SLC39A11: variants seen among roughly 807,000 people sequenced by gnomAD.
The protein encoded by SLC39A11 is solute carrier family 39 member 11.
SLC39A11 carries 33 observed loss-of-function variants against 36.1 expected under a neutral mutation model. The observed-to-expected ratio is 0.91, with a 90% CI of 0.69 to 1.22. The LOEUF is 1.22. Among genes scored for constraint, SLC39A11 ranks in the 50% most tolerant of loss-of-function variants. SLC39A11 has a pLI of 0.00. For synonymous variants in SLC39A11, 166 were observed against 170.3 expected (o/e 0.97, Z 0.20); for missense variants, 432 against 430.3 (o/e 1.00, Z -0.03).
intron 4 of SLC39A11, among the ~76,000 whole-genome samples, chr17:73,009,299 GAGCCGAGATTGCGC>G (rs2090378969): frequency 6.7e-6 from 1 of 150,096 alleles, no homozygotes; most frequent in East Asian, 2.0e-4. Context: ...AGCTTGCAGT[GAGCCGAGATTGCGC>G]CACTGCACTC....
Position 72,808,598 on chromosome 17 carries a change from CT to C in SLC39A11, c.601+41035del, listed in dbSNP as rs766603190. On this transcript the variant is annotated intron_variant, in intron 6 of 9. Coordinates refer to ENST00000255559, the MANE Select transcript of SLC39A11 (RefSeq NM_139177.4). ...CCACTAGCTTGTTTTTCTATAATCC[CT>C]TGCTGCTCAGGAGTCGTGTGGCCAG... 2.0e-5 allele frequency among the ~76,000 whole-genome samples: 3 copies of C among 152,286 alleles called. No homozygotes were observed. The East Asian group carries it at 5.8e-4, about 29-fold the overall frequency.
At chr17:72,736,904 T>C (rs2074454911) in intron 6 of SLC39A11, among the ~76,000 whole-genome samples, 185 bp from the exon 7 acceptor site, 1 of 152,190 alleles carries the variant, frequency 6.6e-6, no homozygotes. Context: ...TTCTTCTCTA[T>C]GGCCTGCAAC....
chr17:72,781,548 C>T (rs113465756), intron 6 of SLC39A11, among the ~76,000 whole-genome samples: 5,580 of 152,126 alleles, frequency 0.037, 314 homozygotes, highest in African/African-American at 0.12. Context: ...CTCAGCCTCC[C>T]GAGTGGCTGG....
At chr17:73,023,424 G>GGACT (rs1257304252) in intron 4 of SLC39A11, among the ~76,000 whole-genome samples, 1 of 152,152 alleles carries the variant, frequency 6.6e-6, no homozygotes, top group African/African-American at 2.4e-5. Context: ...CAAGGTAGGA[G>GGACT]GACTGCTTGA....
intron 6 of SLC39A11, chr17:72,823,866 T>C (rs189803076): frequency 6.6e-6 from 1 of 151,512 alleles, no homozygotes. Flanking sequence ...GTGCTGTTTC[T>C]TGCAGCTAAA....
intron 5 of SLC39A11, among the ~76,000 whole-genome samples, chr17:72,878,417 G>A (rs1277004643): frequency 6.6e-6 from 1 of 152,220 alleles, no homozygotes; most frequent in Admixed American, 6.5e-5. Context: ...CAGCCCCAGG[G>A]GCCTTCTTGC....
chr17:72,753,168 G>T (rs1225670060), intron 6 of SLC39A11, among the ~76,000 whole-genome samples: 1 of 152,124 alleles, frequency 6.6e-6, no homozygotes, highest in Non-Finnish European at 1.5e-5. Flanking sequence ...AGAGTTTTGA[G>T]ATTCATCAAG....
intron 5 of SLC39A11, among the ~76,000 whole-genome samples, chr17:72,856,303 A>G (rs73358737): frequency 0.043 from 6,562 of 152,332 alleles, 186 homozygotes; most frequent in African/African-American, 0.079. Context: ...TTCTTTGACT[A>G]CAAGTGAGGT....
chr17:72,864,882 T>C (rs1307881371), intron 5 of SLC39A11, among the ~76,000 whole-genome samples: 2 of 152,202 alleles, frequency 1.3e-5, no homozygotes, highest in Admixed American at 1.3e-4. Context: ...GAAGAAAGGC[T>C]GTTCCCTGGC....
intron 7 of SLC39A11, among the ~76,000 whole-genome samples, chr17:72,717,753 G>A (rs1472102226): frequency 2.6e-5 from 4 of 152,256 alleles, no homozygotes; most frequent in Non-Finnish European, 4.4e-5. Flanking sequence ...TACCTTTCTG[G>A]GGTGCATGAC....
intron 6 of SLC39A11, among the ~76,000 whole-genome samples, chr17:72,786,389 A>G (rs2076515974): frequency 6.6e-6 from 1 of 152,180 alleles, no homozygotes; most frequent in Admixed American, 6.5e-5. Flanking sequence ...GTCTTACTGT[A>G]AACAACCCAA....
At chr17:73,091,479 G>C (rs2060921799) in intron 1 of SLC39A11, among the ~76,000 whole-genome samples, 1 of 152,032 alleles carries the variant, frequency 6.6e-6, no homozygotes, top group Admixed American at 6.6e-5. Context: ...AATAAAACTG[G>C]TAAAACTTCT....
At chr17:72,648,056 G>T (rs912971121) in intron 9 of SLC39A11, among the ~76,000 whole-genome samples, 3 of 152,160 alleles carry the variant, frequency 2.0e-5, no homozygotes, top group Admixed American at 1.3e-4. Context: ...TAGGCTGGGA[G>T]CAGTGGCTCA....
intron 4 of SLC39A11, among the ~76,000 whole-genome samples, chr17:72,968,456 G>T (rs904776718): frequency 6.6e-5 from 10 of 152,168 alleles, no homozygotes; most frequent in African/African-American, 2.4e-4. Flanking sequence ...TCATGCATAA[G>T]GTCACACAGA....
intron 5 of SLC39A11, among the ~76,000 whole-genome samples, chr17:72,903,035 G>A (rs759665733): frequency 2.6e-5 from 4 of 152,148 alleles, no homozygotes; most frequent in Non-Finnish European, 5.9e-5. Context: ...GGGAGGCCAA[G>A]GTAAGTGGAT....
intron 2 of SLC39A11, among the ~76,000 whole-genome samples, chr17:73,087,150 C>CA: frequency 6.6e-6 from 1 of 152,178 alleles, no homozygotes; most frequent in Non-Finnish European, 1.5e-5. Flanking sequence ...CCCTGGCAAT[C>CA]ACCATTCTAC....
chr17:72,749,881 G>A (rs1019878), intron 6 of SLC39A11, among the ~76,000 whole-genome samples: 4,663 of 152,136 alleles, frequency 0.031, 231 homozygotes, highest in African/African-American at 0.11. Context: ...GCTCAGATTC[G>A]TAAAACACTA....
chr17:72,744,236 C>T (rs1273002065), intron 6 of SLC39A11, among the ~76,000 whole-genome samples: 1 of 152,124 alleles, frequency 6.6e-6, no homozygotes, highest in African/African-American at 2.4e-5. Flanking sequence ...ACCTGACAGG[C>T]CTGTTCAGGG....
At chr17:72,804,325 T>C (rs1392597899) in intron 6 of SLC39A11, among the ~76,000 whole-genome samples, 1 of 152,116 alleles carries the variant, frequency 6.6e-6, no homozygotes, top group African/African-American at 2.4e-5. Flanking sequence ...TGCCCAGTGG[T>C]CAATGTCCTA....
Sources: allele counts gnomAD v4.1 joint callset (sites outside exome capture counted in the v4.1 genomes callset), GRCh38; gene constraint gnomAD v4.1.1; transcripts MANE v1.5; gene names NCBI Gene and HGNC (gene_info 2026-07-23, HGNC 2026-07-21).